FAM171A1: variants seen among roughly 807,000 people sequenced by gnomAD.
The protein encoded by FAM171A1 is protein FAM171A1.
FAM171A1 carries 23 observed loss-of-function variants against 74.9 expected under a neutral mutation model. The observed-to-expected ratio is 0.31, with a 90% CI of 0.22 to 0.44. The LOEUF is 0.44. Ranked by LOEUF, FAM171A1 falls within the 20% of genes least tolerant of loss-of-function variation. The pLI, the probability that FAM171A1 is intolerant of heterozygous loss-of-function variation, is 1.00. For missense variants in FAM171A1, 1,162 were observed against 1,159.2 expected (o/e 1.00, Z -0.03); for synonymous variants, 527 against 505.7 (o/e 1.04, Z -0.57).
intron 4 of FAM171A1, 23 bp from the exon 5 acceptor site, chr10:15,248,838 A>T (rs1202573230): frequency 2.5e-6 from 4 of 1,588,506 alleles, no homozygotes; most frequent in Non-Finnish European, 3.4e-6. Flanking sequence ...GGCATTTTCC[A>T]TCATTTGCAT....
chr10:15,248,662 G>A lies in FAM171A1; in HGVS notation c.731C>T (p.Ala244Val), dbSNP rs764160938. The change falls in exon 5 of 8, where the codon GCG becomes GTG. Residue 244 changes from alanine to valine, a missense_variant. Ala to Val is a moderately conservative substitution (Grantham distance 64). Transcript: ENST00000378116. ...SSLRHNAYVA[A>V]WRFDQKLGTW... The stretch of plus-strand genomic sequence containing the variant: ...ACCCAGCTTCTGGTCAAACCGCCAC[G>A]CCGCGACATAGGCATTGTGCCTCAG... 7.8e-5 allele frequency: 125 copies of A among 1,609,870 alleles called. No individual in the cohort carries two copies. The highest frequency in any genetic ancestry group is 3.4e-4 in the Middle Eastern group (2 of 5,924).
chr10:15,214,962 G>T (rs1833949507), intron 7 of FAM171A1, among the ~76,000 whole-genome samples: 1 of 151,778 alleles, frequency 6.6e-6, no homozygotes, highest in Non-Finnish European at 1.5e-5. Flanking sequence ...GAGATGGCCT[G>T]TGTTGCCCAG....
At chr10:15,218,863 G>A (rs892017068) in intron 6 of FAM171A1, among the ~76,000 whole-genome samples, 2 of 152,112 alleles carry the variant, frequency 1.3e-5, no homozygotes, top group Admixed American at 6.6e-5. Flanking sequence ...CCAAAGTGCT[G>A]GGATTACAGG....
chr10:15,220,819 T>A (rs570217536), intron 6 of FAM171A1, 125 bp downstream of exon 6: 1 of 737,232 alleles, frequency 1.4e-6, no homozygotes, highest in East Asian at 2.7e-5. Flanking sequence ...ATTTTCAGAC[T>A]TTTAACCATT....
In FAM171A1 at chr10:15,213,061, G is replaced by A. The variant is rs1392811819; in HGVS notation, c.2527C>T (p.Pro843Ser). The A allele has an allele frequency of 6.2e-7, 1 of 1,613,702 alleles. No homozygotes were observed. The highest frequency in any genetic ancestry group is 1.7e-5 in the Admixed American group (1 of 59,962). Residue 843 changes from proline to serine, a missense_variant, in exon 8 of 8, where the codon CCC becomes TCC. Pro to Ser is a moderately conservative substitution (Grantham distance 74). Transcript: ENST00000378116. The surrounding 1 kb of genome is among the most constrained non-coding windows in gnomAD (Gnocchi z 6.8). ...EETTRRTADAPSEPAASPHQR... is the reference protein window; with the variant it reads ...EETTRRTADASSEPAASPHQR... ...TGGGGGCTGGCTGCTGGCTCCGAGG[G>A]GGCATCCGCAGTCCGTCTGGTCGTC...
intron 4 of FAM171A1, among the ~76,000 whole-genome samples, chr10:15,250,818 G>A (rs570938805): frequency 6.6e-6 from 1 of 152,282 alleles, no homozygotes; most frequent in South Asian, 2.1e-4. Flanking sequence ...TTACTAGACT[G>A]TATAAACAAC....
chr10:15,322,355 T>C (rs1367794598), intron 1 of FAM171A1, among the ~76,000 whole-genome samples: 1 of 152,166 alleles, frequency 6.6e-6, no homozygotes, highest in Non-Finnish European at 1.5e-5. Context: ...TTATGTTAAG[T>C]GTATTTTTAA....
At chr10:15,364,233 A>T (rs1457304147) in intron 1 of FAM171A1, among the ~76,000 whole-genome samples, 2 of 152,212 alleles carry the variant, frequency 1.3e-5, no homozygotes. Context: ...TTCAGAGGCT[A>T]CATGTTCTCC....
chr10:15,316,283 T>C (rs1320825632), intron 1 of FAM171A1, among the ~76,000 whole-genome samples: 1 of 152,148 alleles, frequency 6.6e-6, no homozygotes, highest in Non-Finnish European at 1.5e-5. Context: ...CTGTTTAGAG[T>C]GTCAGGCTGC....
chr10:15,241,388 G>A (rs904484169), intron 5 of FAM171A1: 1 of 152,116 alleles, frequency 6.6e-6, no homozygotes, highest in Non-Finnish European at 1.5e-5. Context: ...ATTTTTTTCT[G>A]TAAGAGGACA....
chr10:15,317,853 C>T lies in FAM171A1; in HGVS notation c.98-33748G>A, dbSNP rs141474180. Reference sequence around the variant, plus strand: ...TTGCCCAGGCTGGAGTGCAGTGGCACGATCATGGCTTACTGCAGCCTCCAT... The same window carrying T: ...TTGCCCAGGCTGGAGTGCAGTGGCATGATCATGGCTTACTGCAGCCTCCAT... On this transcript the variant is annotated intron_variant, in intron 1 of 7. Transcript: ENST00000378116. Among the ~76,000 whole-genome samples the T allele has an allele frequency of 5.6e-3, 859 of 152,126 alleles. 9 individuals are homozygous for T. The highest frequency in any genetic ancestry group is 0.019 in the African/African-American group (798 of 41,510).
chr10:15,240,887 T>A, intron 5 of FAM171A1: 4 of 211,234 alleles, frequency 1.9e-5, no homozygotes, highest in Non-Finnish European at 3.3e-5. Flanking sequence ...AAAAAAAAAA[T>A]TTACAAATTA....
At chr10:15,263,839 C>T (rs575961646) in intron 3 of FAM171A1, among the ~76,000 whole-genome samples, 2 of 151,478 alleles carry the variant, frequency 1.3e-5, no homozygotes, top group Admixed American at 6.6e-5. Context: ...TCTATCTATA[C>T]ATTTATCTCA....
At chr10:15,278,662 T>G (rs1834927017) in intron 2 of FAM171A1, among the ~76,000 whole-genome samples, 1 of 152,156 alleles carries the variant, frequency 6.6e-6, no homozygotes, top group African/African-American at 2.4e-5. Context: ...AAAAGCCACG[T>G]ATTCCAAGAT....
chr10:15,272,137 A>G (rs1469509454), intron 3 of FAM171A1, among the ~76,000 whole-genome samples: 2 of 152,188 alleles, frequency 1.3e-5, no homozygotes, highest in Non-Finnish European at 2.9e-5. Context: ...TATTCAGGAG[A>G]CCCATCTCAT....
intron 5 of FAM171A1, among the ~76,000 whole-genome samples, chr10:15,243,276 T>A (rs1484074395): frequency 6.6e-6 from 1 of 152,154 alleles, no homozygotes; most frequent in Non-Finnish European, 1.5e-5. Flanking sequence ...ATCCTGCTCA[T>A]AAGGGCCCTT....
At chr10:15,350,406 C>T (rs1046632054) in intron 1 of FAM171A1, among the ~76,000 whole-genome samples, 7 of 151,866 alleles carry the variant, frequency 4.6e-5, no homozygotes, top group African/African-American at 1.5e-4. Context: ...GGCGTGATCT[C>T]GGCTCACTGC....
At chr10:15,251,180 T>C (rs1009342285) in intron 4 of FAM171A1, among the ~76,000 whole-genome samples, 2 of 152,120 alleles carry the variant, frequency 1.3e-5, no homozygotes, top group African/African-American at 4.8e-5. Flanking sequence ...CAGAAGTAAG[T>C]AGAGCATTGC....
Position 15,248,675 on chromosome 10 carries a change from C to T in FAM171A1, c.718G>A (p.Ala240Thr). ...TCAAACCGCCACGCCGCGACATAGG[C>T]ATTGTGCCTCAGGCTGCTCTGCGTG... is the stretch of plus-strand genomic sequence containing the variant. Reference protein sequence around the residue: ...LATQSSLRHNAYVAAWRFDQK... With the variant: ...LATQSSLRHNTYVAAWRFDQK... Residue 240 changes from alanine (A) to threonine (T), a missense_variant, in exon 5 of 8, where the codon GCC becomes ACC. Transcript: ENST00000378116. 2 of 1,611,496 alleles carry T rather than the reference C, an allele frequency of 1.2e-6. No individual in the cohort carries two copies. The highest frequency in any genetic ancestry group is 1.7e-6 in the Non-Finnish European group (2 of 1,178,802).
Sources: gnomAD v4.1 joint callset for allele counts (sites outside exome capture counted in the v4.1 genomes callset) on GRCh38, gnomAD v4.1.1 for gene constraint, Gnocchi (gnomAD v3.1) non-coding constraint, MANE v1.5 for transcripts, NCBI Gene and HGNC (gene_info 2026-07-23, HGNC 2026-07-21) for gene names.